PAX8: variants seen among roughly 807,000 people sequenced by gnomAD.
PAX8 encodes the protein paired box protein Pax-8.
In PAX8, 15 loss-of-function variants were observed where a neutral mutation model predicts 52.4. The ratio of observed to expected loss-of-function variants is 0.29; its 90% CI spans 0.19 to 0.44. The LOEUF is 0.44. Ranked by LOEUF, PAX8 falls within the 20% of genes least tolerant of loss-of-function variation. The pLI is 1.00. For synonymous variants in PAX8, 284 were observed against 249.7 expected (o/e 1.14, Z -1.29); for missense variants, 554 against 602.5 (o/e 0.92, Z 0.84).
At chr2:113,240,892 G>A (rs1242602192) in intron 7 of PAX8, 1 of 160,048 alleles carries the variant, frequency 6.2e-6, no homozygotes, top group Admixed American at 5.7e-5. Flanking sequence ...AGATTATTAA[G>A]TGACACTGTG....
At chr2:113,261,078 T>C (rs80179762) in intron 2 of PAX8, among the ~76,000 whole-genome samples, 5,922 of 152,198 alleles carry the variant, frequency 0.039, 220 homozygotes, top group South Asian at 0.14. Flanking sequence ...CACCTGTCGA[T>C]AGCAGGCACC....
At chr2:113,252,669 G>C (rs1454828663) in intron 2 of PAX8, among the ~76,000 whole-genome samples, 1 of 152,214 alleles carries the variant, frequency 6.6e-6, no homozygotes, top group Non-Finnish European at 1.5e-5. Flanking sequence ...GTCTTCCTAA[G>C]GGAAACTGTA....
intron 10 of PAX8, chr2:113,226,778 G>A (rs1689604298): frequency 8.3e-7 from 1 of 1,201,202 alleles, no homozygotes; most frequent in African/African-American, 1.6e-5. Context: ...CTGCTTGAGG[G>A]TAGGGTTCAT....
intron 2 of PAX8, among the ~76,000 whole-genome samples, chr2:113,251,943 G>A (rs922051316): frequency 6.6e-6 from 1 of 152,194 alleles, no homozygotes; most frequent in African/African-American, 2.4e-5. Flanking sequence ...ACTGTAATTA[G>A]TGTTTTCTTA....
At chr2:113,222,470 A>G (rs1405665710) in intron 10 of PAX8, among the ~76,000 whole-genome samples, 1 of 152,086 alleles carries the variant, frequency 6.6e-6, no homozygotes, top group East Asian at 1.9e-4. Context: ...GGTGGTACAC[A>G]CCTGGGTGTG....
At chr2:113,235,302 C>CT in intron 9 of PAX8, 92 bp downstream of exon 9, 1 of 1,112,660 alleles carries the variant, frequency 9.0e-7, no homozygotes, top group East Asian at 2.6e-5. Context: ...GTGGATGAGA[C>CT]TGAGGCCAGA....
intron 9 of PAX8, among the ~76,000 whole-genome samples, chr2:113,230,085 G>A (rs1323987128): frequency 2.0e-5 from 3 of 152,214 alleles, no homozygotes; most frequent in Non-Finnish European, 2.9e-5. Context: ...CTGACTACCT[G>A]ATTGGCTGGT....
At chr2:113,248,375 G>A (rs1221758586) in intron 2 of PAX8, among the ~76,000 whole-genome samples, 1 of 152,180 alleles carries the variant, frequency 6.6e-6, no homozygotes, top group East Asian at 1.9e-4. Context: ...GCTGTTTTGT[G>A]CTGAACATGC....
At chr2:113,241,889 A>T in intron 6 of PAX8, 119 bp downstream of exon 6, 2 of 1,418,148 alleles carry the variant, frequency 1.4e-6, no homozygotes, top group Non-Finnish European at 2.0e-6. Context: ...GACATGTGAC[A>T]GTCACATGCA....
intron 9 of PAX8, 23 bp from the exon 10 acceptor site, chr2:113,227,279 C>A (rs760224917): frequency 6.3e-7 from 1 of 1,579,464 alleles, no homozygotes; most frequent in Non-Finnish European, 8.6e-7. Flanking sequence ...AGCAAAGAGT[C>A]GTCAGTTGGA....
At chr2:113,265,931 T>C (rs1472024795) in intron 2 of PAX8, 1 of 151,862 alleles carries the variant, frequency 6.6e-6, no homozygotes, top group Non-Finnish European at 1.5e-5. Flanking sequence ...GTGGTTGGGG[T>C]GAGAAATTTG....
intron 11 of PAX8, 34 bp from the exon 12 acceptor site, chr2:113,218,643 G>A: frequency 7.1e-7 from 1 of 1,416,196 alleles, no homozygotes; most frequent in South Asian, 1.3e-5. Flanking sequence ...CAACAACACT[G>A]CTGGTCAGAA....
intron 2 of PAX8, among the ~76,000 whole-genome samples, chr2:113,250,049 C>CCT (rs1253560107): frequency 6.6e-6 from 1 of 151,926 alleles, no homozygotes; most frequent in African/African-American, 2.4e-5. Flanking sequence ...GGGTGGATCA[C>CCT]GAGGTCAGGA....
Position 113,276,250 on chromosome 2 carries a change from T to C in PAX8, c.25+2120A>G, listed in dbSNP as rs1693808147. On this transcript the variant is annotated intron_variant, in intron 2 of 11. Transcript: ENST00000429538. Reference sequence around the variant, plus strand: ...AGACAGACGGCCTCTCCCTCAGGTTTGCCGAGGGAGGGTTCAGAAAAGAAA... The same window carrying C: ...AGACAGACGGCCTCTCCCTCAGGTTCGCCGAGGGAGGGTTCAGAAAAGAAA... The C allele has an allele frequency of 2.6e-5, 4 of 152,350 alleles. 1 individual carries two copies. The South Asian group carries it at 8.3e-4, about 32-fold the overall frequency. 9.4% of individuals were successfully genotyped at this position (152,350 alleles called of 1,614,324 possible).
intron 2 of PAX8, among the ~76,000 whole-genome samples, chr2:113,253,236 A>G (rs944588338): frequency 6.6e-6 from 1 of 152,032 alleles, no homozygotes; most frequent in Non-Finnish European, 1.5e-5. Context: ...CTTAGTTCTC[A>G]GTGTTTCTCT....
At chr2:113,247,344 G>A (rs568019518) in intron 2 of PAX8, among the ~76,000 whole-genome samples, 13 of 152,318 alleles carry the variant, frequency 8.5e-5, no homozygotes, top group African/African-American at 3.1e-4. Flanking sequence ...GTAAAATGAC[G>A]GCACAGGTGA....
intron 4 of PAX8, among the ~76,000 whole-genome samples, 178 bp from the exon 5 acceptor site, chr2:113,242,956 C>T (rs1034044641): frequency 3.9e-5 from 6 of 152,186 alleles, no homozygotes; most frequent in South Asian, 2.1e-4. Flanking sequence ...CTCAGTTGTC[C>T]GCATTTCATG....
intron 2 of PAX8, among the ~76,000 whole-genome samples, chr2:113,262,463 G>T (rs951097719): frequency 6.6e-6 from 1 of 152,214 alleles, no homozygotes; most frequent in Non-Finnish European, 1.5e-5. Flanking sequence ...CCAAATCAGA[G>T]CTTCTGCAGC....
At chr2:113,278,348 C>T (rs1693981917) in intron 2 of PAX8, 22 bp downstream of exon 2, 2 of 1,573,394 alleles carry the variant, frequency 1.3e-6, no homozygotes, top group African/African-American at 2.7e-5. Context: ...GCTCGGGGAT[C>T]CTGACCACAC....
Sources: gnomAD v4.1 joint callset for allele counts (sites outside exome capture counted in the v4.1 genomes callset) on GRCh38, gnomAD v4.1.1 for gene constraint, MANE v1.5 for transcripts, NCBI Gene and HGNC (gene_info 2026-07-23, HGNC 2026-07-21) for gene names.